The following PAX2 variants were observed in gnomAD, a reference collection of about 807,000 sequenced individuals.
The protein encoded by PAX2 is paired box protein Pax-2.
PAX2 carries 9 observed loss-of-function variants against 41.7 expected under a neutral mutation model. The ratio of observed to expected loss-of-function variants is 0.22; its 90% CI spans 0.13 to 0.38. PAX2 has a LOEUF of 0.38. Ranked by LOEUF, PAX2 falls within the 10% of genes least tolerant of loss-of-function variation. The pLI is 1.00. For synonymous variants in PAX2, 221 were observed against 212.7 expected (o/e 1.04, Z -0.34); for missense variants, 418 against 531.6 (o/e 0.79, Z 2.10).
chr10:100,746,742 C>T lies in PAX2; in HGVS notation c.43+439C>T, dbSNP rs186593937. ...TCTTTCTCTCTTCCTCTGTTTGCCT[C>T]CCTCTCCTGTCTCCCCACATCTTTA... On this transcript the variant is annotated intron_variant, in intron 1 of 9. Coordinates refer to ENST00000355243, the MANE Select transcript of PAX2 (RefSeq NM_000278.5). 2.6e-5 allele frequency among the ~76,000 whole-genome samples: 4 copies of T among 152,324 alleles called. No individual in the cohort carries two copies. In the East Asian group the frequency reaches 7.7e-4, roughly 29 times the overall value.
chr10:100,761,728 C>T (rs1203498193), intron 3 of PAX2, among the ~76,000 whole-genome samples: 1 of 152,066 alleles, frequency 6.6e-6, no homozygotes, highest in African/African-American at 2.4e-5. Context: ...ATGGGCTGGC[C>T]CCTCTGGCTA....
chr10:100,827,815 C>T lies in PAX2; in HGVS notation c.*196C>T. 1.2e-6 allele frequency: 1 copy of T among 802,334 alleles called. No individual in the cohort carries two copies. The highest frequency in any genetic ancestry group is 2.0e-6 in the Non-Finnish European group (1 of 507,770). The allele number at this position is 802,334 out of a possible 1,614,324, so 49.7% of individuals were successfully genotyped here. ...GAAGGTCGGACAGGACGGGTGGAGC[C>T]GTGGGCGGGACCCTCAGGCCCGGGC... On this transcript the variant is annotated 3_prime_UTR_variant, in exon 10 of 10. Coordinates refer to ENST00000355243, the MANE Select transcript of PAX2 (RefSeq NM_000278.5). This position sits in a 1 kb window ranked among gnomAD's most constrained non-coding sequence, Gnocchi z 8.5.
At chr10:100,768,805 CA>C (rs1846110654) in intron 3 of PAX2, among the ~76,000 whole-genome samples, 1 of 152,144 alleles carries the variant, frequency 6.6e-6, no homozygotes, top group Non-Finnish European at 1.5e-5. Context: ...ACCAACCAAA[CA>C]AACAATTTCT....
In PAX2 at chr10:100,748,664, C is replaced by G; in HGVS notation, c.44-1082C>G. On this transcript the variant is annotated intron_variant, in intron 1 of 9. Transcript: ENST00000355243. This position sits in a 1 kb window ranked among gnomAD's most constrained non-coding sequence, Gnocchi z 5.0. ...GAGAATGGGGCACAGGAAGCACCCT[C>G]AGGCCTGGCACCCAGTGGCCGCCTC... is the stretch of plus-strand genomic sequence containing the variant. 1.0e-6 allele frequency: 1 copy of G among 985,472 alleles called. No homozygotes were observed. Among genetic ancestry groups the G allele is most frequent in the Non-Finnish European group, 1.2e-6 (1 of 829,930 alleles). The allele number at this position is 985,472 out of a possible 1,614,324, so 61.0% of individuals were successfully genotyped here.
chr10:100,759,958 G>C (rs920084597), intron 3 of PAX2, among the ~76,000 whole-genome samples: 11 of 152,312 alleles, frequency 7.2e-5, no homozygotes, highest in African/African-American at 2.2e-4. Context: ...GGAGTCTGCA[G>C]GCAGCTTCTG....
chr10:100,801,971 G>A (rs1001038093), intron 5 of PAX2, among the ~76,000 whole-genome samples: 4 of 152,198 alleles, frequency 2.6e-5, no homozygotes, highest in African/African-American at 9.6e-5. Context: ...AGGGTTGTCG[G>A]AAGGATTAAA....
chr10:100,748,972 G>A lies in PAX2; in HGVS notation c.44-774G>A. The A allele has an allele frequency of 1.0e-6, 1 of 985,430 alleles. No individual in the cohort carries two copies. Among genetic ancestry groups the A allele is most frequent in the Non-Finnish European group, 1.2e-6 (1 of 829,926 alleles). The allele number at this position is 985,430 out of a possible 1,614,324, so 61.0% of individuals were successfully genotyped here. On this transcript the variant is annotated intron_variant, in intron 1 of 9. Coordinates refer to ENST00000355243, the MANE Select transcript of PAX2 (RefSeq NM_000278.5). The surrounding 1 kb of genome is among the most constrained non-coding windows in gnomAD (Gnocchi z 5.0). ...CGAGCCCAAGCAGCCGGCATTCTCT[G>A]CCTGCTGCCTGGAGCCGCTCTGCCT...
chr10:100,810,762 AG>A (rs991241373), intron 7 of PAX2, among the ~76,000 whole-genome samples: 3 of 152,134 alleles, frequency 2.0e-5, no homozygotes, highest in African/African-American at 7.2e-5. Context: ...AGGGCTTCCT[AG>A]GGTGGAGCTA....
At position 100,783,541 on chromosome 10, in the gene PAX2, G is replaced by A. The variant is rs149359229; in HGVS notation, c.616+2176G>A. On this transcript the variant is annotated intron_variant, in intron 5 of 9. Transcript: ENST00000355243. ...CCAGAAGGCCCTTTGGCCAGCCACTGCAGGGCAGCTTTAGCAGGGATAGAA... is the reference window on the plus strand; with the variant it reads ...CCAGAAGGCCCTTTGGCCAGCCACTACAGGGCAGCTTTAGCAGGGATAGAA... Among the ~76,000 whole-genome samples the A allele has an allele frequency of 5.1e-3, 772 of 152,312 alleles. 11 individuals carry two copies. The highest frequency in any genetic ancestry group is 0.018 in the African/African-American group (740 of 41,578).
At chr10:100,751,828 C>T (rs1259974689) in intron 3 of PAX2, among the ~76,000 whole-genome samples, 1 of 152,170 alleles carries the variant, frequency 6.6e-6, no homozygotes, top group South Asian at 2.1e-4. Flanking sequence ...TACAAACTGA[C>T]AGTTGTTCAC....
chr10:100,750,028 TC>T lies in PAX2; in HGVS notation c.212+118del. 1 of 1,235,538 alleles carries T rather than the reference TC, an allele frequency of 8.1e-7. No individual in the cohort carries two copies. The highest frequency in any genetic ancestry group is 1.1e-6 in the Non-Finnish European group (1 of 880,336). 76.5% of individuals were successfully genotyped at this position (1,235,538 alleles called of 1,614,324 possible). On this transcript the variant is annotated intron_variant, in intron 2 of 9. Transcript: ENST00000355243. This position sits in a 1 kb window ranked among gnomAD's most constrained non-coding sequence, Gnocchi z 4.1. The stretch of plus-strand genomic sequence containing the variant: ...CAGCGTGCCAAGCCAGAGAGGGAGA[TC>T]CCCAAAGGGGTCTGGAGAGGTGCTC...
intron 5 of PAX2, among the ~76,000 whole-genome samples, chr10:100,784,880 C>A (rs1040852374): frequency 6.6e-6 from 1 of 152,142 alleles, no homozygotes; most frequent in Non-Finnish European, 1.5e-5. Context: ...GAAAACACCC[C>A]CTGACTTTCC....
intron 3 of PAX2, among the ~76,000 whole-genome samples, chr10:100,765,959 A>G (rs1363148209): frequency 6.6e-6 from 1 of 152,020 alleles, no homozygotes; most frequent in Non-Finnish European, 1.5e-5. Flanking sequence ...AGTGGTTAAC[A>G]AGTGCTTACT....
Position 100,827,741 on chromosome 10 carries a change from A to G in PAX2, c.*122A>G, listed in dbSNP as rs892286296. ...CGCGATGCCTCCCGGCCACCGCCCCAGCCTCACCCCATCCCACGACCCCCG... is the reference window on the plus strand; with the variant it reads ...CGCGATGCCTCCCGGCCACCGCCCCGGCCTCACCCCATCCCACGACCCCCG... On this transcript the variant is annotated 3_prime_UTR_variant, in exon 10 of 10. Coordinates refer to ENST00000355243, the MANE Select transcript of PAX2 (RefSeq NM_000278.5). The surrounding 1 kb of genome is among the most constrained non-coding windows in gnomAD (Gnocchi z 8.5). 22 of 1,538,858 alleles carry G rather than the reference A, an allele frequency of 1.4e-5. No individual in the cohort carries two copies. The highest frequency in any genetic ancestry group is 8.2e-5 in the African/African-American group (6 of 73,136).
Position 100,829,405 on chromosome 10 carries a change from C to G in PAX2, c.*1786C>G, listed in dbSNP as rs1485211057. On this transcript the variant is annotated 3_prime_UTR_variant, in exon 10 of 10. Transcript: ENST00000355243. ...GCAGCTCCAGCCCCCGGGCTCGCCC[C>G]CTCGCGGGCGTGCCCCGCGCGCCCC... 4.8e-6 allele frequency: 1 copy of G among 206,356 alleles called. No homozygotes were observed. Among genetic ancestry groups the G allele is most frequent in the Admixed American group, 6.0e-5 (1 of 16,780 alleles). The allele number at this position is 206,356 out of a possible 1,614,324, so 12.8% of individuals were successfully genotyped here.
rs778875312 is a variant in PAX2, at chr10:100,750,677, C to CAGAAGTACCT, written c.213-17_213-16insAGAAGTACCT. On this transcript the variant is annotated splice_polypyrimidine_tract_variant and intron_variant, in intron 2 of 9. Transcript: ENST00000355243. The surrounding 1 kb of genome is among the most constrained non-coding windows in gnomAD (Gnocchi z 4.1). ...ACAGTCCGCTTCTGGCTGACCCCGC[C>CAGAAGTACCT]GGCTTTCCCGGCGCAGGTACTACGA... 1 of 1,612,936 alleles carries CAGAAGTACCT rather than the reference C, an allele frequency of 6.2e-7. No homozygotes were observed. The highest frequency in any genetic ancestry group is 8.5e-7 in the Non-Finnish European group (1 of 1,179,056).
At chr10:100,792,474 ATC>A (rs1464548220) in intron 5 of PAX2, among the ~76,000 whole-genome samples, 1 of 152,202 alleles carries the variant, frequency 6.6e-6, no homozygotes, top group African/African-American at 2.4e-5. Flanking sequence ...TGAGAAGTCT[ATC>A]TCCCTTCTCT....
chr10:100,797,444 A>G (rs1165640551), intron 5 of PAX2, among the ~76,000 whole-genome samples: 1 of 152,176 alleles, frequency 6.6e-6, no homozygotes, highest in African/African-American at 2.4e-5. Context: ...CTGCACTTTC[A>G]TTTCCCCATC....
At chr10:100,742,025 C>T (rs1274378558), upstream of PAX2, among the ~76,000 whole-genome samples, 3 of 152,196 alleles carry the variant, frequency 2.0e-5, no homozygotes, top group Non-Finnish European at 2.9e-5. Context: ...CGGCCCCCTC[C>T]GTCTCACCAA....
Sources: allele counts gnomAD v4.1 joint callset (sites outside exome capture counted in the v4.1 genomes callset), GRCh38; gene constraint gnomAD v4.1.1; non-coding constraint Gnocchi (gnomAD v3.1); transcripts MANE v1.5; gene names NCBI Gene and HGNC (gene_info 2026-07-23, HGNC 2026-07-21).